PPP2R5C: variants seen among roughly 807,000 people sequenced by gnomAD.
The protein encoded by PPP2R5C is protein phosphatase 2 regulatory subunit B'gamma.
In PPP2R5C, 7 loss-of-function variants were observed where a neutral mutation model predicts 68.9. The observed-to-expected ratio is 0.10, with a 90% CI of 0.06 to 0.19. The LOEUF is 0.19. Ranked by LOEUF, PPP2R5C falls within the 10% of genes least tolerant of loss-of-function variation. The probability of loss-of-function intolerance (pLI) is 1.00; values close to 1 mark genes in which losing one functional copy is unlikely to be tolerated. For missense variants in PPP2R5C, 348 were observed against 641.3 expected (o/e 0.54, Z 4.94); for synonymous variants, 210 against 222.2 (o/e 0.95, Z 0.49).
At position 101,781,750 on chromosome 14, in the gene PPP2R5C, C is replaced by T. The variant is rs905908750; in HGVS notation, c.94-4268C>T. Among the ~76,000 whole-genome samples the T allele has an allele frequency of 6.6e-6, 1 of 152,038 alleles. No individual in the cohort carries two copies. The highest frequency in any genetic ancestry group is 2.4e-5 in the African/African-American group (1 of 41,406). On this transcript the variant is annotated intron_variant, in intron 2 of 14. Coordinates refer to the PPP2R5C transcript ENST00000328724. This position sits in a 1 kb window ranked among gnomAD's most constrained non-coding sequence, Gnocchi z 6.4. ...CGGGGAAGAAGCGGAGGACGCCGAT[C>T]TGGCCTCCTGCGTTGCGCGCTCCAA...
intron 1 of PPP2R5C, among the ~76,000 whole-genome samples, chr14:101,821,313 A>G (rs2040037772): frequency 6.6e-6 from 1 of 151,678 alleles, no homozygotes; most frequent in Admixed American, 6.6e-5. Flanking sequence ...TTTTTTCTTC[A>G]TTGCAAATAA....
chr14:101,806,258 C>G (rs1304414855), upstream of PPP2R5C, among the ~76,000 whole-genome samples: 1 of 151,844 alleles, frequency 6.6e-6, no homozygotes, highest in Non-Finnish European at 1.5e-5. Flanking sequence ...CTCCCACCCC[C>G]TGTCCCCCAC....
rs1286241313 is a variant in PPP2R5C, at chr14:101,797,012, T to C, written c.259+10829T>C. ...GTGGTATTAGATACATTCAAAATGC[T>C]GTACACCCATCACTACTATCTCTAC... On this transcript the variant is annotated intron_variant, in intron 3 of 14. Transcript: ENST00000328724. The surrounding 1 kb of genome is among the most constrained non-coding windows in gnomAD (Gnocchi z 4.2). 2.6e-6 allele frequency: 1 copy of C among 390,028 alleles called. No individual in the cohort carries two copies. The highest frequency in any genetic ancestry group is 5.2e-6 in the Non-Finnish European group (1 of 193,214). 24.2% of individuals were successfully genotyped at this position (390,028 alleles called of 1,614,324 possible).
intron 2 of PPP2R5C, among the ~76,000 whole-genome samples, chr14:101,867,078 G>A (rs1160842582): frequency 2.6e-5 from 4 of 151,780 alleles, no homozygotes; most frequent in African/African-American, 7.2e-5. Context: ...TTAGCCAGGC[G>A]TGGTGGCGCA....
chr14:101,838,189 A>G (rs1311989271), intron 1 of PPP2R5C, among the ~76,000 whole-genome samples: 1 of 152,250 alleles, frequency 6.6e-6, no homozygotes, highest in African/African-American at 2.4e-5. Flanking sequence ...ACCAAAGAAC[A>G]GGTTTTGGAA....
intron 10 of PPP2R5C, among the ~76,000 whole-genome samples, chr14:101,908,153 G>A (rs1431462694): frequency 6.6e-6 from 1 of 152,192 alleles, no homozygotes; most frequent in Non-Finnish European, 1.5e-5. Flanking sequence ...ATCTTCACTT[G>A]GTTGTGAGGA....
chr14:101,792,336 A>G (rs893869981), intron 3 of PPP2R5C, among the ~76,000 whole-genome samples: 3 of 152,218 alleles, frequency 2.0e-5, no homozygotes, highest in Non-Finnish European at 4.4e-5. Flanking sequence ...TCTGCAGTGT[A>G]TATTTTGGCA....
intron 1 of PPP2R5C, among the ~76,000 whole-genome samples, chr14:101,829,885 G>A (rs1222360033): frequency 6.6e-6 from 1 of 151,608 alleles, no homozygotes; most frequent in Non-Finnish European, 1.5e-5. Context: ...TTCTTTTTTC[G>A]CAGTATTGAA....
upstream of PPP2R5C, chr14:101,760,724 C>A: frequency 2.4e-6 from 2 of 844,448 alleles, no homozygotes; most frequent in Non-Finnish European, 2.7e-6. Flanking sequence ...GAAAGCTGAG[C>A]TGGTGAGGGG....
chr14:101,827,410 C>T (rs2040463357), intron 1 of PPP2R5C, among the ~76,000 whole-genome samples: 1 of 152,184 alleles, frequency 6.6e-6, no homozygotes, highest in South Asian at 2.1e-4. Flanking sequence ...GAGAAACCTG[C>T]CTGCTGGAGT....
At chr14:101,786,075 A>G (rs371076280) in exon 3 of PPP2R5C, 70 of 1,557,444 alleles carry the variant, frequency 4.5e-5, no homozygotes, top group Non-Finnish European at 5.7e-5. Context: ...ATCTGCTAAA[A>G]TAAAAGTACC....
chr14:101,872,687 CT>C (rs1205297409), intron 2 of PPP2R5C, among the ~76,000 whole-genome samples: 1 of 152,202 alleles, frequency 6.6e-6, no homozygotes, highest in African/African-American at 2.4e-5. Flanking sequence ...ATAATGTACC[CT>C]TTCCCCCTCT....
At chr14:101,919,213 C>T (rs2046877467) in intron 13 of PPP2R5C, among the ~76,000 whole-genome samples, 1 of 152,226 alleles carries the variant, frequency 6.6e-6, no homozygotes, top group Admixed American at 6.5e-5. Flanking sequence ...TCTTCTGCCC[C>T]TCTAATTCCT....
chr14:101,761,715 G>T (rs1279826373), upstream of PPP2R5C: 8 of 787,956 alleles, frequency 1.0e-5, no homozygotes, highest in Non-Finnish European at 1.5e-6. Context: ...CGCCGCCGCC[G>T]TGGCTGCCGC....
At chr14:101,786,574 A>C (rs969384875) in intron 3 of PPP2R5C, among the ~76,000 whole-genome samples, 4 of 152,220 alleles carry the variant, frequency 2.6e-5, no homozygotes, top group African/African-American at 9.7e-5. Context: ...TTATAGTAGA[A>C]GTTCCCTATG....
intron 5 of PPP2R5C, among the ~76,000 whole-genome samples, chr14:101,886,197 C>G (rs916891831): frequency 1.3e-5 from 2 of 151,354 alleles, no homozygotes; most frequent in African/African-American, 4.9e-5. Context: ...GGGAGAATGG[C>G]GTGAACCCGG....
At chr14:101,900,960 C>T (rs921349103) in intron 8 of PPP2R5C, among the ~76,000 whole-genome samples, 3 of 152,364 alleles carry the variant, frequency 2.0e-5, no homozygotes, top group South Asian at 4.1e-4. Context: ...GAGCACAGTA[C>T]GCCCTGCCCG....
intron 1 of PPP2R5C, among the ~76,000 whole-genome samples, chr14:101,847,249 A>C (rs898958803): frequency 6.6e-6 from 1 of 152,234 alleles, no homozygotes; most frequent in African/African-American, 2.4e-5. Context: ...AGTATGATTA[A>C]TGTAGGGTAT....
rs1039031475 is a variant in PPP2R5C at position 101,825,849 on chromosome 14, T to C, written c.94+15813T>C. Among the ~76,000 whole-genome samples the C allele has an allele frequency of 1.3e-5, 2 of 152,098 alleles. No homozygotes were observed. Among genetic ancestry groups the C allele is most frequent in the African/African-American group, 4.8e-5 (2 of 41,398 alleles). ...AATTTAAGAAGGAAGTTGGGGAAGG[T>C]AGGACCTCATGGCTTTGGTTTTTCT... On this transcript the variant is annotated intron_variant, in intron 1 of 13. Transcript: ENST00000334743. This position sits in a 1 kb window ranked among gnomAD's most constrained non-coding sequence, Gnocchi z 4.0.
Sources: gnomAD v4.1 joint callset for allele counts (sites outside exome capture counted in the v4.1 genomes callset) on GRCh38, gnomAD v4.1.1 for gene constraint, Gnocchi (gnomAD v3.1) non-coding constraint, MANE v1.5 for transcripts, NCBI Gene and HGNC (gene_info 2026-07-23, HGNC 2026-07-21) for gene names.